CDKL1: variants seen among roughly 807,000 people sequenced by gnomAD.
CDKL1 encodes the protein cyclin-dependent kinase-like 1.
CDKL1 carries 41 observed loss-of-function variants against 42.0 expected under a neutral mutation model. The ratio of observed to expected loss-of-function variants is 0.98; its 90% CI spans 0.76 to 1.27. The LOEUF (loss-of-function observed/expected upper bound fraction) is 1.27. Ranked by LOEUF, CDKL1 falls within the 50% of genes most tolerant of loss-of-function variation. The pLI, the probability that CDKL1 is intolerant of heterozygous loss-of-function variation, is 0.00. For synonymous variants in CDKL1, 153 were observed against 158.6 expected (o/e 0.96, Z 0.26); for missense variants, 394 against 428.4 (o/e 0.92, Z 0.71).
intron 7 of CDKL1, 95 bp from the exon 8 acceptor site, chr14:50,334,716 C>T: frequency 1.2e-6 from 1 of 807,832 alleles, no homozygotes; most frequent in Non-Finnish European, 2.2e-6. Context: ...TTCCTGGCAC[C>T]TTCCTCACGT....
chr14:50,333,332 T>G (rs149959221), intron 8 of CDKL1: 1 of 152,316 alleles, frequency 6.6e-6, no homozygotes, highest in East Asian at 1.9e-4. Flanking sequence ...AAGATGGTGA[T>G]GAAAGTGATG....
At chr14:50,339,477 G>A (rs2033430177) in intron 6 of CDKL1, among the ~76,000 whole-genome samples, 2 of 132,040 alleles carry the variant, frequency 1.5e-5, no homozygotes, top group Non-Finnish European at 3.1e-5. Flanking sequence ...CTAACATAGA[G>A]CAAGCACTCA....
At position 50,341,161 on chromosome 14, in the gene CDKL1, C is replaced by T. The variant is rs373138571; in HGVS notation, c.526G>A (p.Asp176Asn). 13 of 1,614,066 alleles carry T rather than the reference C, an allele frequency of 8.1e-6. No homozygotes were observed. In the African/African-American group the frequency reaches 1.5e-4, roughly 18 times the overall value. The part of the protein sequence containing the change: ...WYRSPELLVG[D>N]TQYGPPVDVW... ...TCCACCGGGGGGCCGTACTGCGTGT[C>T]CCCCACCAGCAGCTCAGGGGAGCGG... The change falls in exon 6 of 10, where the codon GAC becomes AAC. Residue 176 changes from aspartate (D) to asparagine (N), a missense_variant. Physicochemically the swap from Asp to Asn is conservative, Grantham distance 23 (BLOSUM62 1). Coordinates refer to ENST00000395834, the MANE Select transcript of CDKL1 (RefSeq NM_004196.7).
chr14:50,379,876 AT>A (rs1471578613), intron 2 of CDKL1, among the ~76,000 whole-genome samples: 2 of 152,166 alleles, frequency 1.3e-5, no homozygotes, highest in African/African-American at 4.8e-5. Context: ...ATCTGTGGCT[AT>A]TTACCAGAGT....
At chr14:50,340,810 G>A (rs2033487973) in intron 6 of CDKL1, among the ~76,000 whole-genome samples, 1 of 152,170 alleles carries the variant, frequency 6.6e-6, no homozygotes. Flanking sequence ...AGAATCTTGG[G>A]TTGTTTTTGG....
At chr14:50,385,844 C>T (rs2035067493) in intron 2 of CDKL1, among the ~76,000 whole-genome samples, 1 of 149,528 alleles carries the variant, frequency 6.7e-6, no homozygotes, top group Admixed American at 6.7e-5. Flanking sequence ...TGTACAGTCA[C>T]TGAATAGATC....
intron 2 of CDKL1, chr14:50,378,335 G>T (rs774887544): frequency 1.5e-6 from 2 of 1,366,372 alleles, no homozygotes; most frequent in East Asian, 9.1e-5. Context: ...TTCTTGCTCT[G>T]CGAGGAAATA....
chr14:50,347,129 A>C (rs917910666), intron 3 of CDKL1, among the ~76,000 whole-genome samples: 6 of 152,128 alleles, frequency 3.9e-5, no homozygotes, highest in African/African-American at 1.4e-4. Context: ...AAATGTAAAA[A>C]CTCTGTACAA....
intron 5 of CDKL1, among the ~76,000 whole-genome samples, chr14:50,341,451 G>C (rs2033522245): frequency 9.1e-6 from 1 of 109,808 alleles, no homozygotes; most frequent in Non-Finnish European, 1.8e-5. Flanking sequence ...TCCCTGGGGA[G>C]GGTCTGGGGG....
intron 3 of CDKL1, chr14:50,358,179 C>T (rs2034115339): frequency 1.6e-6 from 2 of 1,289,206 alleles, no homozygotes; most frequent in Non-Finnish European, 2.0e-6. Flanking sequence ...CAGCGGAGCC[C>T]CCGGAGTCAC....
intron 2 of CDKL1, chr14:50,376,473 G>A: frequency 2.2e-6 from 1 of 460,736 alleles, no homozygotes; most frequent in Non-Finnish European, 4.5e-6. Context: ...AGAGGAGGAT[G>A]GCTGAATACA....
At chr14:50,342,747 G>C (rs1304040986) in intron 4 of CDKL1, 3 of 559,416 alleles carry the variant, frequency 5.4e-6, no homozygotes, top group African/African-American at 4.2e-5. Flanking sequence ...TTGTTTAACT[G>C]TGAACAGAAC....
chr14:50,346,216 G>T (rs1017037468), intron 3 of CDKL1, among the ~76,000 whole-genome samples: 7 of 152,060 alleles, frequency 4.6e-5, no homozygotes, highest in African/African-American at 1.4e-4. Context: ...AGATCAGGGG[G>T]TGTTTGAACA....
chr14:50,327,618 C>G lies in CDKL1; in HGVS notation c.*2456G>C, dbSNP rs1846255859. Reference sequence around the variant, plus strand: ...TAGCTGGGATTACAGGCGCCCACCACCACGCCCAGCTAATTTTTGTACTTT... The same window carrying G: ...TAGCTGGGATTACAGGCGCCCACCAGCACGCCCAGCTAATTTTTGTACTTT... On this transcript the variant is annotated 3_prime_UTR_variant, in exon 10 of 10. Transcript: ENST00000395834. 6.6e-6 allele frequency: 1 copy of G among 152,104 alleles called. No individual in the cohort carries two copies. The highest frequency in any genetic ancestry group is 1.5e-5 in the Non-Finnish European group (1 of 68,148). 9.4% of individuals were successfully genotyped at this position (152,104 alleles called of 1,614,324 possible).
chr14:50,358,449 A>C (rs913414357), intron 3 of CDKL1, among the ~76,000 whole-genome samples: 1 of 152,030 alleles, frequency 6.6e-6, no homozygotes, highest in Non-Finnish European at 1.5e-5. Context: ...CTTTTCTTAG[A>C]GACTGAGATC....
intron 2 of CDKL1, chr14:50,380,214 T>C (rs1463664503): frequency 7.5e-6 from 4 of 532,560 alleles, no homozygotes; most frequent in East Asian, 1.1e-4. Flanking sequence ...CTGGTCAAAA[T>C]AGTAAATCCG....
chr14:50,332,282 A>T lies in CDKL1; in HGVS notation c.946T>A (p.Cys316Ser). 6.2e-7 allele frequency: 1 copy of T among 1,614,144 alleles called. No homozygotes were observed. The highest frequency in any genetic ancestry group is 8.5e-7 in the Non-Finnish European group (1 of 1,180,016). ...ATAACCTTGGATGTTTCTGTAAAGC[A>T]GTGGTGCTTTCGGCTCTTTCTTAGG... is the stretch of plus-strand genomic sequence containing the variant. Reference protein sequence around the residue: ...KTLRKSRKHHCFTETSKLQYL... With the variant: ...KTLRKSRKHHSFTETSKLQYL... The change falls in exon 9 of 10, where the codon TGC (cysteine) becomes AGC (serine). Residue 316 changes from cysteine to serine, a missense_variant. Coordinates refer to ENST00000395834, the MANE Select transcript of CDKL1 (RefSeq NM_004196.7).
At chr14:50,346,466 AT>A (rs111551329) in intron 3 of CDKL1, among the ~76,000 whole-genome samples, 2,939 of 145,480 alleles carry the variant, frequency 0.02, 67 homozygotes, top group African/African-American at 0.053. Context: ...TCCACTTTTA[AT>A]TTTTTTTTTT....
intron 3 of CDKL1, chr14:50,358,142 A>G: frequency 4.5e-6 from 6 of 1,337,718 alleles, no homozygotes; most frequent in Non-Finnish European, 6.0e-6. Context: ...GATGTTGCAT[A>G]TGCTAGAGAG....
Sources: gnomAD v4.1 joint callset for allele counts (sites outside exome capture counted in the v4.1 genomes callset) on GRCh38, gnomAD v4.1.1 for gene constraint, MANE v1.5 for transcripts, NCBI Gene and HGNC (gene_info 2026-07-23, HGNC 2026-07-21) for gene names.